The following POMK variants were observed in gnomAD, a reference collection of about 807,000 sequenced individuals.
POMK encodes Sugen kinase 196.
In POMK, 19 loss-of-function variants were observed where a neutral mutation model predicts 23.0. That is an observed-to-expected ratio of 0.83 (90% CI 0.58 to 1.21). The LOEUF is 1.21. Ranked by LOEUF, POMK falls within the 50% of genes most tolerant of loss-of-function variation. The probability of loss-of-function intolerance (pLI) is 0.00; values close to 1 mark genes in which losing one functional copy is unlikely to be tolerated. For synonymous variants in POMK, 173 were observed against 171.6 expected (o/e 1.01, Z -0.06); for missense variants, 410 against 431.3 (o/e 0.95, Z 0.44).
chr8:43,121,119 C>T (rs758462986), intron 4 of POMK, among the ~76,000 whole-genome samples: 21 of 152,148 alleles, frequency 1.4e-4, no homozygotes, highest in Non-Finnish European at 2.6e-4. Context: ...TACCTATTTC[C>T]GATTATTGCC....
chr8:43,105,459 T>G (rs1212967322), intron 4 of POMK, among the ~76,000 whole-genome samples: 1 of 152,230 alleles, frequency 6.6e-6, no homozygotes, highest in Admixed American at 6.5e-5. Flanking sequence ...CTAGTTTATT[T>G]CACGTAACAT....
At chr8:43,110,497 A>G (rs139871416) in intron 4 of POMK, among the ~76,000 whole-genome samples, 255 of 152,356 alleles carry the variant, frequency 1.7e-3, no homozygotes, top group African/African-American at 5.9e-3. Flanking sequence ...CTTTTCATGA[A>G]TACGTTCACA....
rs961206326 is a variant in POMK, at chr8:43,122,978, GT to G, written c.*109del. The G allele has an allele frequency of 2.6e-5, 28 of 1,077,530 alleles. No homozygotes were observed. The highest frequency in any genetic ancestry group is 1.4e-4 in the East Asian group (6 of 41,766). 66.7% of individuals were successfully genotyped at this position (1,077,530 alleles called of 1,614,324 possible). A position where few individuals can be genotyped will look rare whatever the true frequency, so the allele number is the denominator to read the frequency against. On this transcript the variant is annotated 3_prime_UTR_variant, in exon 5 of 5. Transcript: ENST00000331373. ...TTTTGCCTGAGTTTCGTGTTTTATT[GT>G]TTTTTTTATGGCTTAGCCATGTGGT...
intron 4 of POMK, among the ~76,000 whole-genome samples, chr8:43,110,771 G>A (rs556392470): frequency 2.5e-4 from 38 of 152,250 alleles, no homozygotes; most frequent in African/African-American, 8.2e-4. Context: ...AATATTAGCC[G>A]GGCGTTGTGC....
intron 4 of POMK, among the ~76,000 whole-genome samples, chr8:43,107,832 C>T (rs1415584497): frequency 1.3e-5 from 2 of 152,060 alleles, no homozygotes; most frequent in Admixed American, 6.6e-5. Context: ...AGGTGCACGT[C>T]GCCATGCCTG....
At chr8:43,117,760 C>T (rs1309344644) in intron 4 of POMK, among the ~76,000 whole-genome samples, 1 of 152,180 alleles carries the variant, frequency 6.6e-6, no homozygotes, top group African/African-American at 2.4e-5. Flanking sequence ...GCACAAATTA[C>T]AAACAGTGGT....
chr8:43,098,717 T>C (rs933278547), intron 2 of POMK, among the ~76,000 whole-genome samples: 1 of 152,194 alleles, frequency 6.6e-6, no homozygotes, highest in African/African-American at 2.4e-5. Flanking sequence ...CATTTTACTT[T>C]CTCACCAGTG....
intron 4 of POMK, among the ~76,000 whole-genome samples, chr8:43,112,594 C>G (rs1183090479): frequency 2.0e-5 from 3 of 152,006 alleles, no homozygotes; most frequent in African/African-American, 7.3e-5. Context: ...AGAAGAGCAA[C>G]TCCAAGACAC....
intron 3 of POMK, among the ~76,000 whole-genome samples, chr8:43,103,102 G>A (rs1299796059): frequency 6.6e-6 from 1 of 152,178 alleles, no homozygotes; most frequent in Non-Finnish European, 1.5e-5. Flanking sequence ...AGCTGAGTTC[G>A]ACAGAGGCCC....
chr8:43,098,872 A>G (rs1230829757), intron 2 of POMK, among the ~76,000 whole-genome samples: 1 of 152,206 alleles, frequency 6.6e-6, no homozygotes, highest in African/African-American at 2.4e-5. Flanking sequence ...AGCATCTTTC[A>G]TGTATGTGCC....
At chr8:43,112,717 C>T (rs1226705934) in intron 4 of POMK, among the ~76,000 whole-genome samples, 1 of 152,230 alleles carries the variant, frequency 6.6e-6, no homozygotes, top group Non-Finnish European at 1.5e-5. Flanking sequence ...GCGGATCTCT[C>T]AGCAGAAACT....
chr8:43,122,914 T>A lies in POMK; in HGVS notation c.*37T>A. On this transcript the variant is annotated 3_prime_UTR_variant, in exon 5 of 5. Transcript: ENST00000331373. Reference sequence around the variant, plus strand: ...GCCAATGAAGGTGGGATTGAAGGGCTGAATGGAAGTTACAGCATTCTACTC... The same window carrying A: ...GCCAATGAAGGTGGGATTGAAGGGCAGAATGGAAGTTACAGCATTCTACTC... 1 of 1,543,118 alleles carries A rather than the reference T, an allele frequency of 6.5e-7. No homozygotes were observed. The highest frequency in any genetic ancestry group is 2.3e-5 in the East Asian group (1 of 44,386).
intron 3 of POMK, among the ~76,000 whole-genome samples, chr8:43,103,299 C>G (rs566867276): frequency 1.8e-4 from 28 of 152,312 alleles, no homozygotes; most frequent in African/African-American, 6.5e-4. Context: ...TCCCACCTAA[C>G]CTAATCTAGA....
Position 43,113,600 on chromosome 8 carries a change from TCTC to T in POMK, c.283-8506_283-8504del, listed in dbSNP as rs1811728399. ...GTAGTTTGATTGTCTGAAGCCTTCT[TCTC>T]TGAACTCGTCAAAGTCATTCTCCGT... On this transcript the variant is annotated intron_variant, in intron 4 of 4. Transcript: ENST00000331373. Among the ~76,000 whole-genome samples the T allele has an allele frequency of 2.0e-5, 3 of 152,376 alleles. No homozygotes were observed. The South Asian group carries it at 6.2e-4, about 32-fold the overall frequency.
chr8:43,096,094 C>A (rs941936513), intron 1 of POMK, among the ~76,000 whole-genome samples: 2 of 152,202 alleles, frequency 1.3e-5, no homozygotes, highest in Non-Finnish European at 2.9e-5. Context: ...CGAGTACCCG[C>A]TGTGTGCCAG....
At chr8:43,114,333 G>C (rs562180407) in intron 4 of POMK, among the ~76,000 whole-genome samples, 21 of 152,296 alleles carry the variant, frequency 1.4e-4, no homozygotes, top group East Asian at 5.8e-4. Context: ...CCTCCCCCAG[G>C]CTCGCTGCGG....
intron 4 of POMK, among the ~76,000 whole-genome samples, chr8:43,118,334 A>G (rs148577963): frequency 1.8e-4 from 27 of 152,298 alleles, no homozygotes; most frequent in Middle Eastern, 3.4e-3. Context: ...CCATTAGTAT[A>G]ACAGCAAACC....
chr8:43,100,861 C>T (rs892354253), intron 2 of POMK, among the ~76,000 whole-genome samples: 4 of 151,938 alleles, frequency 2.6e-5, no homozygotes, highest in Non-Finnish European at 5.9e-5. Flanking sequence ...GTGTGAGGTG[C>T]ACGTGTGTCC....
At chr8:43,108,697 T>TA (rs57876724) in intron 4 of POMK, among the ~76,000 whole-genome samples, 151,213 of 152,332 alleles carry the variant, frequency 0.99, 75,062 homozygotes, top group Middle Eastern at 1. Context: ...TCCTTTATTC[T>TA]ATGTCATAAT....
Sources: allele counts gnomAD v4.1 joint callset (sites outside exome capture counted in the v4.1 genomes callset), GRCh38; gene constraint gnomAD v4.1.1; transcripts MANE v1.5; gene names NCBI Gene and HGNC (gene_info 2026-07-23, HGNC 2026-07-21).